The following CPAMD8 variants were observed in gnomAD, a reference collection of about 807,000 sequenced individuals.
CPAMD8 encodes the protein C3 and PZP like alpha-2-macroglobulin domain containing 8, also known as C3 and PZP-like alpha-2-macroglobulin domain-containing protein 8.
Under a neutral mutation model 224.7 loss-of-function variants are expected in CPAMD8, and 146 were observed. That is an observed-to-expected ratio of 0.65 (90% confidence interval 0.57 to 0.75). CPAMD8 has a LOEUF of 0.75. Ranked by LOEUF, CPAMD8 falls within the 30% of genes least tolerant of loss-of-function variation. The pLI is 0.00. For synonymous variants in CPAMD8, 966 were observed against 1,044.6 expected (o/e 0.92, Z 1.45); for missense variants, 2,301 against 2,537.5 (o/e 0.91, Z 2.00).
Position 16,938,400 on chromosome 19 carries a change from G to A in CPAMD8, c.2840C>T (p.Pro947Leu). The change falls in exon 23 of 42, where the codon CCC becomes CTC. Residue 947 changes from proline to leucine, a missense_variant. Pro to Leu is a moderately conservative substitution (Grantham distance 98). Around this residue, in one of 4 missense-constraint regions of CPAMD8, gnomAD observed 1,709 missense variants for 1,753.2 expected, o/e 0.97. Transcript: ENST00000443236. ...AATGGGCACGGGGGACTCACCACTG[G>A]GACAGAAGAATGCGCTGTAGGTGTA... ...RAYTYSAFFC[P>L]SERVHISTPN... The A allele has an allele frequency of 6.4e-7, 1 of 1,561,360 alleles. No individual in the cohort carries two copies. Among genetic ancestry groups the A allele is most frequent in the Non-Finnish European group, 8.6e-7 (1 of 1,157,066 alleles).
At chr19:16,904,176 A>AGGCCCCCCCCCCCCC in intron 32 of CPAMD8, 50 bp downstream of exon 32, 5 of 937,338 alleles carry the variant, frequency 5.3e-6, no homozygotes, top group South Asian at 1.4e-5. Context: ...GACTGCAGGG[A>AGGCCCCCCCCCCCCC]CCCCACCCAC....
At chr19:16,934,973 C>T (rs929573605) in intron 23 of CPAMD8, among the ~76,000 whole-genome samples, 4 of 152,044 alleles carry the variant, frequency 2.6e-5, no homozygotes, top group Non-Finnish European at 5.9e-5. Flanking sequence ...GCACTCGCTC[C>T]CTATTCCCTC....
intron 20 of CPAMD8, among the ~76,000 whole-genome samples, chr19:16,949,860 C>A (rs978683068): frequency 7.9e-5 from 12 of 152,320 alleles, no homozygotes; most frequent in African/African-American, 2.9e-4. Flanking sequence ...TGTCCCGGCA[C>A]CCGTAGACAT....
At chr19:16,983,264 C>T (rs553063947) in intron 13 of CPAMD8, among the ~76,000 whole-genome samples, 16 of 152,152 alleles carry the variant, frequency 1.1e-4, no homozygotes, top group South Asian at 8.3e-4. Context: ...TAGCAAGGCA[C>T]GGTGGCAGGT....
chr19:16,922,027 C>T (rs1416123762), intron 26 of CPAMD8, 41 bp from the exon 27 acceptor site: 1 of 1,436,862 alleles, frequency 7.0e-7, no homozygotes, highest in Admixed American at 2.0e-5. Context: ...GTTGAGTGGC[C>T]TGGCCCAGGC....
At chr19:16,920,166 A>G (rs766081789) in intron 27 of CPAMD8, among the ~76,000 whole-genome samples, 2 of 152,164 alleles carry the variant, frequency 1.3e-5, no homozygotes, top group Non-Finnish European at 2.9e-5. Context: ...GAAGCTGCTG[A>G]CTTCCATGCA....
chr19:17,006,114 C>G (rs1474439244), intron 7 of CPAMD8, among the ~76,000 whole-genome samples: 1 of 152,102 alleles, frequency 6.6e-6, no homozygotes, highest in Non-Finnish European at 1.5e-5. Context: ...AGGCACCCGC[C>G]ACCATGTCCA....
intron 18 of CPAMD8, among the ~76,000 whole-genome samples, chr19:16,960,170 T>TC (rs1230561244): frequency 6.6e-6 from 1 of 150,548 alleles, no homozygotes; most frequent in Non-Finnish European, 1.5e-5. Context: ...CTCAGAAGCC[T>TC]CACAGTTCAC....
intron 7 of CPAMD8, among the ~76,000 whole-genome samples, chr19:17,008,304 G>A (rs1484151814): frequency 6.6e-6 from 1 of 152,192 alleles, no homozygotes; most frequent in African/African-American, 2.4e-5. Flanking sequence ...AAGGTGCTGT[G>A]GGCTGGGCTG....
In CPAMD8 at chr19:16,951,956, G is replaced by C. The variant is rs185383575; in HGVS notation, c.2508+13C>G. ...TGAATGGAGGAAGGCTATGTATTTG[G>C]GGGGCTGAGTACCTCAGCGCAGGTG... is the stretch of plus-strand genomic sequence containing the variant. On this transcript the variant is annotated intron_variant, in intron 20 of 41. Coordinates refer to ENST00000443236, the MANE Select transcript of CPAMD8 (RefSeq NM_015692.5). The C allele has an allele frequency of 1.7e-4, 259 of 1,484,722 alleles. No individual in the cohort carries two copies. The highest frequency in any genetic ancestry group is 8.7e-4 in the Admixed American group (44 of 50,416). The allele number at this position is 1,484,722 out of a possible 1,614,324, so 92.0% of individuals were successfully genotyped here. A position where few individuals can be genotyped will look rare whatever the true frequency, so the allele number is the denominator to read the frequency against.
chr19:16,893,530 G>A (rs900511667), intron 41 of CPAMD8, 191 bp from the exon 42 acceptor site: 13 of 501,302 alleles, frequency 2.6e-5, no homozygotes, highest in Middle Eastern at 5.1e-4. Context: ...AGGGCTGAGC[G>A]GTGTTGGCTG....
rs770549023 is a variant in CPAMD8 at position 16,897,744 on chromosome 19, A to G, written c.5012T>C (p.Leu1671Pro). Reference sequence around the variant, plus strand: ...TTCGTTGCACGCGGGTCCGGCGCACAGTTCCCGGGCGAGTGGGCTGTGGGT... The same window carrying G: ...TTCGTTGCACGCGGGTCCGGCGCACGGTTCCCGGGCGAGTGGGCTGTGGGT... ...VSTHSPLARE[L>P]CAGPACNEVE... The change falls in exon 39 of 42, where the codon CTG (leucine) becomes CCG (proline). Residue 1671 changes from leucine to proline, a missense_variant. By Grantham distance (98) the Leu-to-Pro change is moderately conservative (BLOSUM62 -3). Transcript: ENST00000443236. 1.3e-6 allele frequency: 2 copies of G among 1,578,100 alleles called. No individual in the cohort carries two copies. Among genetic ancestry groups the G allele is most frequent in the East Asian group, 4.6e-5 (2 of 43,714 alleles).
rs1346174888 is a variant in CPAMD8 at position 16,897,880 on chromosome 19, C to T, written c.4954+9G>A. 4 of 1,600,774 alleles carry T rather than the reference C, an allele frequency of 2.5e-6. No homozygotes were observed. In the Admixed American group the frequency reaches 5.2e-5, roughly 21 times the overall value. On this transcript the variant is annotated intron_variant, in intron 38 of 41. Coordinates refer to ENST00000443236, the MANE Select transcript of CPAMD8 (RefSeq NM_015692.5). ...GGGCCGGGCCGGGGGTGCGGGCGCGCGGGCCTACCGGGTTCGTAGTAGTCG... is the reference window on the plus strand; with the variant it reads ...GGGCCGGGCCGGGGGTGCGGGCGCGTGGGCCTACCGGGTTCGTAGTAGTCG...
rs769031204 is a variant in CPAMD8, at chr19:17,022,091, C to T, written c.183G>A (p.Thr61=). The change falls in exon 2 of 42, where the codon ACG becomes ACA. Residue 61 remains threonine, a synonymous_variant. Transcript: ENST00000443236. ...VTIFNSPREV[T]VQAQLVAQGE... is the part of the protein sequence containing the mutation. ...CCTGGGCCACCAGCTGAGCCTGGAC[C>T]GTGACTTCCCTTGGAGAGTTAAAGA... The T allele has an allele frequency of 1.6e-5, 25 of 1,605,190 alleles. No individual in the cohort carries two copies. Among genetic ancestry groups the T allele is most frequent in the Middle Eastern group, 3.6e-4 (2 of 5,506 alleles).
chr19:16,913,890 T>C (rs543080697), intron 29 of CPAMD8, among the ~76,000 whole-genome samples: 2 of 152,214 alleles, frequency 1.3e-5, no homozygotes, highest in South Asian at 4.1e-4. Flanking sequence ...CTGAGATCCA[T>C]CGTGGAAGCC....
chr19:16,995,670 G>C (rs1444586742), intron 11 of CPAMD8, among the ~76,000 whole-genome samples: 2 of 152,202 alleles, frequency 1.3e-5, no homozygotes, highest in African/African-American at 4.8e-5. Flanking sequence ...CAAAGTGCTG[G>C]GATTATAGTC....
intron 29 of CPAMD8, among the ~76,000 whole-genome samples, chr19:16,911,431 G>C (rs1470800274): frequency 1.3e-5 from 2 of 151,382 alleles, no homozygotes; most frequent in Non-Finnish European, 2.9e-5. Context: ...GCACGAGCTT[G>C]GCTCACTGCA....
chr19:17,008,878 A>G (rs1330106748), intron 6 of CPAMD8, among the ~76,000 whole-genome samples: 3 of 152,046 alleles, frequency 2.0e-5, no homozygotes, highest in Non-Finnish European at 4.4e-5. Flanking sequence ...ACCTGAGGTC[A>G]GGAGTTTGAG....
chr19:16,895,936 T>A, intron 41 of CPAMD8: 8 of 617,104 alleles, frequency 1.3e-5, no homozygotes, highest in African/African-American at 2.0e-5. Context: ...CACGCGCGCG[T>A]GCGCCCGCGC....
Sources: gnomAD v4.1 joint callset for allele counts (sites outside exome capture counted in the v4.1 genomes callset) on GRCh38, gnomAD v4.1.1 for gene constraint, gnomAD v4.1.1 regional missense constraint, MANE v1.5 for transcripts, NCBI Gene and HGNC (gene_info 2026-07-23, HGNC 2026-07-21) for gene names.